Variants in PHACTR3 observed in about 807,000 individuals in gnomAD.
PHACTR3 encodes the protein protein phosphatase 1, regulatory subunit 123.
Under a neutral mutation model 66.8 loss-of-function variants are expected in PHACTR3, and 16 were observed. That is an observed-to-expected ratio of 0.24 (90% CI 0.16 to 0.36). PHACTR3 has a LOEUF of 0.36. Ranked by LOEUF, PHACTR3 falls within the 10% of genes least tolerant of loss-of-function variation. The pLI is 1.00. For missense variants in PHACTR3, 647 were observed against 719.9 expected (o/e 0.90, Z 1.16); for synonymous variants, 323 against 292.1 (o/e 1.11, Z -1.08).
intron 1 of PHACTR3, among the ~76,000 whole-genome samples, chr20:59,584,499 CATGA>C (rs2032962409): frequency 1.3e-5 from 2 of 151,936 alleles, no homozygotes; most frequent in Non-Finnish European, 2.9e-5. Context: ...CAAGTGTGTG[CATGA>C]ATATTACATG....
intron 4 of PHACTR3, among the ~76,000 whole-genome samples, chr20:59,766,905 G>T (rs912734337): frequency 2.0e-5 from 3 of 152,196 alleles, no homozygotes; most frequent in Admixed American, 1.3e-4. Flanking sequence ...GGTGAACACT[G>T]CTCCTAGGTG....
chr20:59,797,075 A>AT (rs1292753090), intron 7 of PHACTR3, among the ~76,000 whole-genome samples: 1 of 151,964 alleles, frequency 6.6e-6, no homozygotes, highest in Non-Finnish European at 1.5e-5. Flanking sequence ...TGGATGGGTT[A>AT]TTTTGAGTTC....
intron 8 of PHACTR3, among the ~76,000 whole-genome samples, chr20:59,814,328 T>G (rs6092829): frequency 0.23 from 34,608 of 152,036 alleles, 5,799 homozygotes; most frequent in African/African-American, 0.47. Context: ...GGCAGGCCTG[T>G]GGCTGAGGGA....
At chr20:59,637,217 T>TGCTGGA (rs374050737) in intron 1 of PHACTR3, among the ~76,000 whole-genome samples, 11 of 152,358 alleles carry the variant, frequency 7.2e-5, no homozygotes, top group African/African-American at 2.6e-4. Context: ...GACTCAGGGC[T>TGCTGGA]GCTGGAGCTG....
At chr20:59,706,061 T>C (rs1442251233) in intron 1 of PHACTR3, among the ~76,000 whole-genome samples, 1 of 152,178 alleles carries the variant, frequency 6.6e-6, no homozygotes, top group African/African-American at 2.4e-5. Flanking sequence ...AATTGTGCAA[T>C]AGGCTTTAAC....
chr20:59,622,443 T>C (rs1301743341), intron 1 of PHACTR3, among the ~76,000 whole-genome samples: 1 of 152,202 alleles, frequency 6.6e-6, no homozygotes, highest in Non-Finnish European at 1.5e-5. Flanking sequence ...GATTTTAACA[T>C]TACAGTGACA....
At chr20:59,763,017 C>T (rs1413963135) in intron 4 of PHACTR3, among the ~76,000 whole-genome samples, 10 of 152,082 alleles carry the variant, frequency 6.6e-5, no homozygotes, top group South Asian at 2.1e-4. Context: ...GATATGGTTT[C>T]GCTGTGTCCC....
intron 7 of PHACTR3, among the ~76,000 whole-genome samples, chr20:59,791,025 G>T (rs1022023761): frequency 1.3e-5 from 2 of 152,148 alleles, no homozygotes; most frequent in African/African-American, 2.4e-5. Flanking sequence ...ATTCACCAGG[G>T]AGGTGAGGGT....
intron 1 of PHACTR3, among the ~76,000 whole-genome samples, chr20:59,639,273 T>C (rs1289526685): frequency 1.3e-5 from 2 of 152,102 alleles, no homozygotes; most frequent in Non-Finnish European, 2.9e-5. Context: ...AAAGACATAG[T>C]ATTTGAGGGG....
intron 1 of PHACTR3, among the ~76,000 whole-genome samples, chr20:59,723,074 CTTTCTT>C (rs1431226431): frequency 7.5e-6 from 1 of 132,848 alleles, no homozygotes; most frequent in Non-Finnish European, 1.6e-5. Flanking sequence ...TTCTTTCTTT[CTTTCTT>C]TCTTTCTTTC....
intron 1 of PHACTR3, among the ~76,000 whole-genome samples, chr20:59,705,373 G>C (rs943970986): frequency 1.3e-5 from 2 of 152,058 alleles, no homozygotes; most frequent in African/African-American, 4.8e-5. Context: ...GTTTTGCATT[G>C]GTTATTGCAG....
chr20:59,592,185 G>T (rs2033202802), intron 1 of PHACTR3, among the ~76,000 whole-genome samples: 1 of 152,106 alleles, frequency 6.6e-6, no homozygotes, highest in Non-Finnish European at 1.5e-5. Context: ...GCCTTTGTGT[G>T]TGCTGTTTCC....
chr20:59,706,583 C>T (rs2037709292), intron 1 of PHACTR3, among the ~76,000 whole-genome samples: 1 of 152,212 alleles, frequency 6.6e-6, no homozygotes, highest in African/African-American at 2.4e-5. Context: ...CTGCCTGGAT[C>T]ACATTAGTGT....
At chr20:59,823,471 G>T (rs1313433411) in intron 8 of PHACTR3, among the ~76,000 whole-genome samples, 1 of 152,204 alleles carries the variant, frequency 6.6e-6, no homozygotes, top group African/African-American at 2.4e-5. Flanking sequence ...TCATAAGCAT[G>T]ATTTGTTCAT....
At chr20:59,754,372 C>T (rs1284010841) in intron 3 of PHACTR3, among the ~76,000 whole-genome samples, 3 of 152,210 alleles carry the variant, frequency 2.0e-5, no homozygotes, top group Admixed American at 6.5e-5. Context: ...TAGGGACCCC[C>T]GGCTCTGTGG....
At chr20:59,593,810 A>G (rs937498844) in intron 1 of PHACTR3, among the ~76,000 whole-genome samples, 1 of 152,196 alleles carries the variant, frequency 6.6e-6, no homozygotes, top group Non-Finnish European at 1.5e-5. Flanking sequence ...TCAGTTGACT[A>G]TATTTATGTG....
intron 1 of PHACTR3, among the ~76,000 whole-genome samples, chr20:59,718,774 C>T (rs1465731176): frequency 6.6e-6 from 1 of 152,108 alleles, no homozygotes; most frequent in East Asian, 1.9e-4. Context: ...CAACTTTTCA[C>T]TTTACACGGC....
intron 1 of PHACTR3, among the ~76,000 whole-genome samples, chr20:59,671,530 A>G (rs1344715259): frequency 2.0e-5 from 3 of 152,238 alleles, no homozygotes; most frequent in Admixed American, 6.5e-5. Flanking sequence ...TGGTTTGAAC[A>G]CAGTGTTTGT....
chr20:59,805,821 C>T (rs190908408), intron 7 of PHACTR3, among the ~76,000 whole-genome samples: 77 of 152,320 alleles, frequency 5.1e-4, no homozygotes, highest in African/African-American at 1.8e-3. Flanking sequence ...GGGGGCTTAG[C>T]GGACAGAGAT....
Sources: gnomAD v4.1 joint callset for allele counts (sites outside exome capture counted in the v4.1 genomes callset) on GRCh38, gnomAD v4.1.1 for gene constraint, MANE v1.5 for transcripts, NCBI Gene and HGNC (gene_info 2026-07-23, HGNC 2026-07-21) for gene names.